OPCML: variants seen among roughly 807,000 people sequenced by gnomAD.
OPCML encodes opioid-binding protein/cell adhesion molecule.
A neutral mutation model predicts 37.8 loss-of-function variants in OPCML; 13 were observed. That is an observed-to-expected ratio of 0.34 (90% CI 0.22 to 0.55). The LOEUF is 0.55. Ranked by LOEUF, OPCML falls within the 20% of genes least tolerant of loss-of-function variation. The probability of loss-of-function intolerance (pLI) is 0.91; values close to 1 mark genes in which losing one functional copy is unlikely to be tolerated. For synonymous variants in OPCML, 176 were observed against 168.8 expected (o/e 1.04, Z -0.33); for missense variants, 341 against 435.6 (o/e 0.78, Z 1.93).
chr11:133,037,988 G>T (rs938653056), intron 1 of OPCML, among the ~76,000 whole-genome samples: 2 of 152,236 alleles, frequency 1.3e-5, no homozygotes, highest in Non-Finnish European at 2.9e-5. Flanking sequence ...TCAAATGAAT[G>T]CATGCTACTA....
chr11:133,524,181 G>T (rs933774834), intron 1 of OPCML, among the ~76,000 whole-genome samples: 2 of 152,224 alleles, frequency 1.3e-5, no homozygotes, highest in Non-Finnish European at 2.9e-5. Context: ...AGTATTCAGA[G>T]ATGAATAAGT....
intron 1 of OPCML, among the ~76,000 whole-genome samples, chr11:133,273,364 C>T (rs1278018561): frequency 6.6e-6 from 1 of 152,068 alleles, no homozygotes; most frequent in Non-Finnish European, 1.5e-5. Context: ...GTGCTGGGGG[C>T]CGGGAATCAG....
chr11:132,420,569 G>A (rs2095954892), intron 7 of OPCML, among the ~76,000 whole-genome samples: 1 of 152,188 alleles, frequency 6.6e-6, no homozygotes, highest in African/African-American at 2.4e-5. Context: ...GGGCCCAAAG[G>A]TTAAGGCAAC....
intron 1 of OPCML, among the ~76,000 whole-genome samples, chr11:133,039,169 G>A (rs1384463186): frequency 6.6e-6 from 1 of 152,134 alleles, no homozygotes; most frequent in Non-Finnish European, 1.5e-5. Flanking sequence ...CAGGGAGAGG[G>A]AAAAATCATA....
rs572857929 is a variant in OPCML, at chr11:133,327,999, C to T, written c.61+204265G>A. On this transcript the variant is annotated intron_variant, in intron 1 of 7. Transcript: ENST00000524381. ...GCTATTTTAGATATTCTTCAGTTTC[C>T]GTTTGACTTTCTTAACTCCTATGCT... Among the ~76,000 whole-genome samples the T allele has an allele frequency of 3.0e-4, 45 of 152,042 alleles. 1 individual carries two copies. The highest frequency in any genetic ancestry group is 1.5e-3 in the South Asian group (7 of 4,824).
chr11:133,435,724 T>C (rs1369373929), intron 1 of OPCML, among the ~76,000 whole-genome samples: 1 of 152,200 alleles, frequency 6.6e-6, no homozygotes, highest in East Asian at 1.9e-4. Flanking sequence ...TTTCCATAAA[T>C]AATGAAGATG....
intron 1 of OPCML, among the ~76,000 whole-genome samples, chr11:133,088,615 G>A (rs563403719): frequency 6.6e-6 from 1 of 152,290 alleles, no homozygotes; most frequent in South Asian, 2.1e-4. Context: ...GCTAAAACAT[G>A]CGGTGGTTTC....
At chr11:133,479,648 C>A (rs1203247665) in intron 1 of OPCML, among the ~76,000 whole-genome samples, 2 of 152,312 alleles carry the variant, frequency 1.3e-5, no homozygotes, top group East Asian at 3.9e-4. Flanking sequence ...ACACAATTGA[C>A]CCTGCCACTG....
At chr11:132,486,274 G>A (rs2096199561) in intron 4 of OPCML, among the ~76,000 whole-genome samples, 1 of 152,158 alleles carries the variant, frequency 6.6e-6, no homozygotes, top group Admixed American at 6.5e-5. Context: ...CCAGCATGAA[G>A]GAGTGATGCA....
chr11:133,006,206 C>G (rs1947108365), intron 1 of OPCML: 1 of 791,144 alleles, frequency 1.3e-6, no homozygotes, highest in Non-Finnish European at 1.5e-6. Context: ...TAGGGAGGAG[C>G]CTGGCCCCTC....
chr11:132,732,744 CAG>C (rs529259149), intron 2 of OPCML, among the ~76,000 whole-genome samples: 50 of 152,216 alleles, frequency 3.3e-4, no homozygotes, highest in African/African-American at 1.2e-3. Flanking sequence ...AAGCAGGAGA[CAG>C]AGAACAATTG....
chr11:132,508,038 G>A (rs2096261128), intron 4 of OPCML, among the ~76,000 whole-genome samples: 1 of 152,052 alleles, frequency 6.6e-6, no homozygotes, highest in South Asian at 2.1e-4. Context: ...AAGTGGTAAA[G>A]GAGCTCTCTG....
chr11:132,432,803 A>G (rs2096001694), intron 7 of OPCML, among the ~76,000 whole-genome samples: 1 of 152,336 alleles, frequency 6.6e-6, no homozygotes, highest in South Asian at 2.1e-4. Context: ...TATTAAACAA[A>G]AACAAAATTA....
chr11:133,526,139 T>A (rs945847661), intron 1 of OPCML, among the ~76,000 whole-genome samples: 2 of 152,184 alleles, frequency 1.3e-5, no homozygotes, highest in African/African-American at 4.8e-5. Context: ...CTCTAGCACC[T>A]ACTTACTGGC....
intron 2 of OPCML, among the ~76,000 whole-genome samples, chr11:132,719,231 G>C (rs1485567855): frequency 2.0e-5 from 3 of 152,194 alleles, no homozygotes; most frequent in Non-Finnish European, 4.4e-5. Flanking sequence ...TTTTCGTTTG[G>C]GGAGACAGAG....
At chr11:133,529,724 G>T (rs1309778848) in intron 1 of OPCML, among the ~76,000 whole-genome samples, 1 of 152,350 alleles carries the variant, frequency 6.6e-6, no homozygotes, top group Admixed American at 6.5e-5. Context: ...CGCAGTGAAA[G>T]TAAGTGGCTA....
At chr11:133,329,675 A>G (rs1335631207) in intron 1 of OPCML, among the ~76,000 whole-genome samples, 1 of 152,248 alleles carries the variant, frequency 6.6e-6, no homozygotes, top group East Asian at 1.9e-4. Context: ...TACACCTTAT[A>G]CAAAAATTAA....
At chr11:132,746,276 G>A (rs2136054464) in intron 2 of OPCML, among the ~76,000 whole-genome samples, 1 of 151,980 alleles carries the variant, frequency 6.6e-6, no homozygotes, top group South Asian at 2.1e-4. Context: ...AAGACCTCTG[G>A]TTATTTTTGT....
At chr11:132,822,041 G>C (rs975706466) in intron 2 of OPCML, among the ~76,000 whole-genome samples, 1 of 152,160 alleles carries the variant, frequency 6.6e-6, no homozygotes, top group Admixed American at 6.5e-5. Flanking sequence ...ATAAACAAAA[G>C]GAGTCTTGTC....
Sources: gnomAD v4.1 joint callset for allele counts (sites outside exome capture counted in the v4.1 genomes callset) on GRCh38, gnomAD v4.1.1 for gene constraint, MANE v1.5 for transcripts, NCBI Gene and HGNC (gene_info 2026-07-23, HGNC 2026-07-21) for gene names.